Variants in KCTD15 observed in about 807,000 individuals in gnomAD.
KCTD15 encodes potassium channel tetramerization domain containing 15, also known as BTB/POZ domain-containing protein KCTD15.
A neutral mutation model predicts 27.2 loss-of-function variants in KCTD15; 11 were observed. That is an observed-to-expected ratio of 0.41 (90% CI 0.25 to 0.67). The LOEUF (loss-of-function observed/expected upper bound fraction) is 0.67, where lower values mean the gene tolerates loss of function less well. KCTD15 is among the 30% of genes least tolerant of loss of function. The probability of loss-of-function intolerance (pLI) is 0.35; values close to 1 mark genes in which losing one functional copy is unlikely to be tolerated. For missense variants in KCTD15, 350 were observed against 409.3 expected (o/e 0.86, Z 1.25); for synonymous variants, 163 against 176.0 (o/e 0.93, Z 0.58).
Position 33,811,571 on chromosome 19 carries a change from C to A in KCTD15, c.693+19C>A. 1 of 1,572,494 alleles carries A rather than the reference C, an allele frequency of 6.4e-7. No individual in the cohort carries two copies. Among genetic ancestry groups the A allele is most frequent in the Non-Finnish European group, 8.6e-7 (1 of 1,156,910 alleles). On this transcript the variant is annotated intron_variant, in intron 6 of 6. Coordinates refer to ENST00000683859, the MANE Select transcript of KCTD15 (RefSeq NM_001129994.2). The stretch of plus-strand genomic sequence containing the variant: ...GGTACAGGTGAGGGCTGCACGCTGC[C>A]CCCTCCCCGCCGCACCCCCGGCGTC...
intron 3 of KCTD15, among the ~76,000 whole-genome samples, chr19:33,800,935 C>T (rs1975518374): frequency 6.6e-6 from 1 of 152,138 alleles, no homozygotes; most frequent in Non-Finnish European, 1.5e-5. Flanking sequence ...TTTCTTATTG[C>T]TAATAAGCAT....
At position 33,801,315 on chromosome 19, in the gene KCTD15, C is replaced by G. The variant is rs772547613; in HGVS notation, c.215C>G (p.Ala72Gly). ...GGCCACATGTACACCAGCAGCCTGG[C>G]CACGCTCACCAAGTACCCTGACTCC... is the stretch of plus-strand genomic sequence containing the variant. ...VGGHMYTSSL[A>G]TLTKYPDSRI... Residue 72 changes from alanine to glycine, a missense_variant, in exon 4 of 7, where the codon GCC (alanine) becomes GGC (glycine). Physicochemically the swap from Ala to Gly is moderately conservative, Grantham distance 60. Coordinates refer to ENST00000683859, the MANE Select transcript of KCTD15 (RefSeq NM_001129994.2). 1.9e-6 allele frequency: 3 copies of G among 1,610,582 alleles called. No homozygotes were observed. The highest frequency in any genetic ancestry group is 2.5e-6 in the Non-Finnish European group (3 of 1,178,424).
At chr19:33,799,308 C>T (rs1220085479) in intron 2 of KCTD15, among the ~76,000 whole-genome samples, 1 of 152,114 alleles carries the variant, frequency 6.6e-6, no homozygotes, top group Admixed American at 6.5e-5. Context: ...AAATTTTGAT[C>T]CCAGAGTTTT....
At chr19:33,804,603 GC>G (rs1052904104) in intron 4 of KCTD15, among the ~76,000 whole-genome samples, 35 of 152,176 alleles carry the variant, frequency 2.3e-4, no homozygotes, top group African/African-American at 8.2e-4. Flanking sequence ...GCCAACCACT[GC>G]CCATGGTATC....
intron 5 of KCTD15, among the ~76,000 whole-genome samples, chr19:33,809,289 CTT>C (rs1975810394): frequency 6.6e-6 from 1 of 152,114 alleles, no homozygotes; most frequent in Non-Finnish European, 1.5e-5. Context: ...AATAAATAAA[CTT>C]TACTTTTAAA....
chr19:33,795,237 AAAAT>A (rs969140561), upstream of KCTD15, among the ~76,000 whole-genome samples: 5 of 152,354 alleles, frequency 3.3e-5, no homozygotes, highest in Admixed American at 2.0e-4. Flanking sequence ...TTCGAACTCG[AAAAT>A]AAATAAATAA....
upstream of KCTD15, among the ~76,000 whole-genome samples, chr19:33,794,693 C>T (rs1294508604): frequency 1.3e-5 from 2 of 152,218 alleles, no homozygotes; most frequent in East Asian, 1.9e-4. Flanking sequence ...CAACCTCGTC[C>T]GATTGTGATT....
At chr19:33,803,472 G>A (rs555481569) in intron 4 of KCTD15, among the ~76,000 whole-genome samples, 1 of 152,176 alleles carries the variant, frequency 6.6e-6, no homozygotes, top group Admixed American at 6.5e-5. Flanking sequence ...AAGATGACCT[G>A]CCCTAGGCAG....
intron 1 of KCTD15, among the ~76,000 whole-genome samples, chr19:33,797,215 C>T (rs1297965637): frequency 6.6e-6 from 1 of 151,636 alleles, no homozygotes; most frequent in African/African-American, 2.4e-5. Flanking sequence ...GGACCCTCCC[C>T]ACGCGGGCGG....
rs1480958998 is a variant in KCTD15, at chr19:33,811,541, A to G, written c.682A>G (p.Asn228Asp). ...RFPLNGYCRLNSVQVLERLFQ... is the reference protein window; with the variant it reads ...RFPLNGYCRLDSVQVLERLFQ... Reference sequence around the variant, plus strand: ...CCCGCTCAATGGCTACTGCCGGCTCAACTCGGTACAGGTGAGGGCTGCACG... The same window carrying G: ...CCCGCTCAATGGCTACTGCCGGCTCGACTCGGTACAGGTGAGGGCTGCACG... Residue 228 changes from asparagine to aspartate, a missense_variant, in exon 6 of 7, where the codon AAC becomes GAC. Coordinates refer to ENST00000683859, the MANE Select transcript of KCTD15 (RefSeq NM_001129994.2). 17 of 1,604,440 alleles carry G rather than the reference A, an allele frequency of 1.1e-5. No individual in the cohort carries two copies. Among genetic ancestry groups the G allele is most frequent in the Non-Finnish European group, 1.3e-5 (15 of 1,174,238 alleles).
Position 33,815,697 on chromosome 19 carries a change from T to G in KCTD15, c.*2749T>G, listed in dbSNP as rs1265568336. The G allele has an allele frequency of 7.9e-5, 12 of 152,084 alleles. No individual in the cohort carries two copies. The highest frequency in any genetic ancestry group is 1.6e-4 in the Non-Finnish European group (11 of 67,990). The allele number at this position is 152,084 out of a possible 1,614,324, so 9.4% of individuals were successfully genotyped here. ...ATCTTTCAAAAAATGTGTCTTTTTTTTTTTTTTTTTTAAAGCTACTGCTTG... is the reference window on the plus strand; with the variant it reads ...ATCTTTCAAAAAATGTGTCTTTTTTGTTTTTTTTTTTAAAGCTACTGCTTG... On this transcript the variant is annotated 3_prime_UTR_variant, in exon 7 of 7. Transcript: ENST00000683859.
chr19:33,794,437 T>C (rs1277189018), upstream of KCTD15, among the ~76,000 whole-genome samples: 1 of 152,256 alleles, frequency 6.6e-6, no homozygotes, highest in Non-Finnish European at 1.5e-5. Context: ...CTTTCAAGTA[T>C]TAATTTATAT....
chr19:33,800,458 C>T lies in KCTD15; in HGVS notation c.4C>T (p.Pro2Ser). M[P>S]HRKERPSGSS... ...CTGGGCAGGGATGGAAGCCTAGATG[C>T]CTCACCGCAAGGAGCGGCCGAGCGG... The change falls in exon 3 of 7, where the codon CCT becomes TCT. Residue 2 changes from proline to serine, a missense_variant. By Grantham distance (74) the Pro-to-Ser change is moderately conservative (BLOSUM62 -1). Transcript: ENST00000683859. 1 of 1,604,660 alleles carries T rather than the reference C, an allele frequency of 6.2e-7. No homozygotes were observed. The highest frequency in any genetic ancestry group is 8.5e-7 in the Non-Finnish European group (1 of 1,176,742).
At chr19:33,796,037 C>T (rs1409951091), upstream of KCTD15, 2 of 152,224 alleles carry the variant, frequency 1.3e-5, no homozygotes, top group South Asian at 2.1e-4. Flanking sequence ...CTTCCCAAGT[C>T]CCGCCCCCAG....
At chr19:33,801,411 G>C (rs1472432753) in intron 4 of KCTD15, 69 bp downstream of exon 4, 3 of 1,397,178 alleles carry the variant, frequency 2.1e-6, no homozygotes, top group Non-Finnish European at 2.9e-6. Flanking sequence ...TGCTGCCTAG[G>C]GGGTGGGGTC....
chr19:33,798,055 C>G (rs1330661521), intron 1 of KCTD15, among the ~76,000 whole-genome samples: 1 of 152,058 alleles, frequency 6.6e-6, no homozygotes, highest in African/African-American at 2.4e-5. Context: ...CCCCTAAGTT[C>G]ACACCGGCCG....
At chr19:33,807,797 G>A (rs909103338) in intron 5 of KCTD15, among the ~76,000 whole-genome samples, 4 of 152,030 alleles carry the variant, frequency 2.6e-5, no homozygotes, top group Non-Finnish European at 2.9e-5. Context: ...AAAATTAGCC[G>A]GGCATGGTGA....
chr19:33,803,184 C>T lies in KCTD15; in HGVS notation c.242+1842C>T, dbSNP rs140763545. ...ATGGCCTCTGGCTGCTGTGGGGGTGCTCTGTAGGCCTGAAGCTTTGGACTA... is the reference window on the plus strand; with the variant it reads ...ATGGCCTCTGGCTGCTGTGGGGGTGTTCTGTAGGCCTGAAGCTTTGGACTA... On this transcript the variant is annotated intron_variant, in intron 4 of 6. Transcript: ENST00000683859. Among the ~76,000 whole-genome samples the T allele has an allele frequency of 1.5e-3, 231 of 152,340 alleles. 3 individuals are homozygous for T. Among genetic ancestry groups the T allele is most frequent in the South Asian group, 2.9e-3 (14 of 4,830 alleles).
chr19:33,804,085 GA>G (rs1975642026), intron 4 of KCTD15, among the ~76,000 whole-genome samples: 1 of 152,204 alleles, frequency 6.6e-6, no homozygotes, highest in African/African-American at 2.4e-5. Flanking sequence ...ACAGAGCTGG[GA>G]ACTCATACCT....
Sources: allele counts gnomAD v4.1 joint callset (sites outside exome capture counted in the v4.1 genomes callset), GRCh38; gene constraint gnomAD v4.1.1; transcripts MANE v1.5; gene names NCBI Gene and HGNC (gene_info 2026-07-23, HGNC 2026-07-21).